GTF2IRD2B: variants seen among roughly 807,000 people sequenced by gnomAD.
The protein encoded by GTF2IRD2B is general transcription factor II-I repeat domain-containing protein 2B.
In GTF2IRD2B, 10 loss-of-function variants were observed where a neutral mutation model predicts 55.6. The ratio of observed to expected loss-of-function variants is 0.18; its 90% CI spans 0.11 to 0.31. The LOEUF (loss-of-function observed/expected upper bound fraction) is 0.31. GTF2IRD2B is among the 10% of genes least tolerant of loss of function. The probability of loss-of-function intolerance (pLI) is 1.00; values close to 1 mark genes in which losing one functional copy is unlikely to be tolerated. For missense variants in GTF2IRD2B, 206 were observed against 802.7 expected (o/e 0.26, Z 8.98); for synonymous variants, 107 against 320.5 (o/e 0.33, Z 7.12).
chr7:75,115,366 C>T (rs1358858411), intron 3 of GTF2IRD2B, among the ~76,000 whole-genome samples: 2 of 150,712 alleles, frequency 1.3e-5, no homozygotes, highest in Admixed American at 6.7e-5. Flanking sequence ...TCCAAATTTG[C>T]TCTTCTTCAA....
At chr7:75,127,607 C>A in intron 8 of GTF2IRD2B, among the ~76,000 whole-genome samples, 1 of 139,830 alleles carries the variant, frequency 7.2e-6, no homozygotes, top group African/African-American at 2.6e-5. Flanking sequence ...TGAATGAGAA[C>A]CTGAATTTGA....
At chr7:75,146,830 G>A (rs1554533142) in intron 15 of GTF2IRD2B, 1 of 146,550 alleles carries the variant, frequency 6.8e-6, no homozygotes, top group Admixed American at 7.0e-5. Flanking sequence ...GGCCTGGCAC[G>A]GTGGCTCCTG....
At chr7:75,102,166 C>A (rs1372660004) in intron 1 of GTF2IRD2B, among the ~76,000 whole-genome samples, 2 of 150,874 alleles carry the variant, frequency 1.3e-5, no homozygotes, top group Non-Finnish European at 3.0e-5. Flanking sequence ...CCATGCCCGG[C>A]TAATTTTTGT....
At chr7:75,110,140 C>A in intron 2 of GTF2IRD2B, among the ~76,000 whole-genome samples, 1 of 142,654 alleles carries the variant, frequency 7.0e-6, no homozygotes. Flanking sequence ...GACTCTGTCT[C>A]AAGAAAAAAA....
chr7:75,139,542 A>G (rs1237299712), intron 12 of GTF2IRD2B, among the ~76,000 whole-genome samples: 1 of 112,134 alleles, frequency 8.9e-6, no homozygotes, highest in African/African-American at 4.2e-5. Flanking sequence ...GCTGAGGCTG[A>G]AGAATGGCGT....
intron 3 of GTF2IRD2B, among the ~76,000 whole-genome samples, chr7:75,118,013 G>T (rs1808229165): frequency 6.6e-6 from 1 of 151,510 alleles, no homozygotes; most frequent in South Asian, 2.1e-4. Context: ...AACCCAGGAG[G>T]TGGAGGTTGC....
intron 1 of GTF2IRD2B, among the ~76,000 whole-genome samples, chr7:75,105,625 T>C (rs1166965784): frequency 2.1e-3 from 321 of 152,290 alleles, no homozygotes; most frequent in African/African-American, 7.4e-3. Context: ...ATTTGCATCC[T>C]ACTGGTTCAG....
intron 1 of GTF2IRD2B, among the ~76,000 whole-genome samples, chr7:75,105,608 G>A (rs1284068887): frequency 1.2e-4 from 19 of 152,404 alleles, no homozygotes; most frequent in Middle Eastern, 3.4e-3. Flanking sequence ...AATTTTTAAC[G>A]ATAACAATTT....
intron 1 of GTF2IRD2B, among the ~76,000 whole-genome samples, chr7:75,093,010 C>A (rs1180935592): frequency 6.6e-6 from 1 of 152,306 alleles, no homozygotes; most frequent in Non-Finnish European, 1.5e-5. Flanking sequence ...GTCGTACGCA[C>A]GGAGCGCACA....
In GTF2IRD2B at chr7:75,106,142, C is replaced by T. The variant is rs1241404531; in HGVS notation, c.-5-2818C>T. 2.0e-5 allele frequency among the ~76,000 whole-genome samples: 3 copies of T among 152,428 alleles called. No individual in the cohort carries two copies. In the East Asian group the frequency reaches 5.8e-4, roughly 29 times the overall value. On this transcript the variant is annotated intron_variant, in intron 1 of 15. Transcript: ENST00000472837. ...TTTTGGTCGGGCTCAGTGGCTCACGCCTGTAATCCCAGCACTTTGGGAGGC... is the reference window on the plus strand; with the variant it reads ...TTTTGGTCGGGCTCAGTGGCTCACGTCTGTAATCCCAGCACTTTGGGAGGC...
intron 1 of GTF2IRD2B, among the ~76,000 whole-genome samples, chr7:75,106,154 G>A (rs1443873410): frequency 6.6e-6 from 1 of 152,308 alleles, no homozygotes; most frequent in Non-Finnish European, 1.5e-5. Context: ...TGTAATCCCA[G>A]CACTTTGGGA....
chr7:75,105,925 G>A (rs1358493326), intron 1 of GTF2IRD2B, among the ~76,000 whole-genome samples: 24 of 152,422 alleles, frequency 1.6e-4, no homozygotes, highest in Middle Eastern at 3.4e-3. Flanking sequence ...GAAAGTTCCC[G>A]GTGACCACCG....
At chr7:75,146,877 C>T (rs367714818) in intron 15 of GTF2IRD2B, 11,660 of 144,406 alleles carry the variant, frequency 0.081, 508 homozygotes, top group Middle Eastern at 0.18. Context: ...GCGGGTGGAT[C>T]GCTTGAGCCT....
rs1228553144 is a variant in GTF2IRD2B at position 75,112,076 on chromosome 7, T to C, written c.100-321T>C. Among the ~76,000 whole-genome samples the C allele has an allele frequency of 1.5e-3, 39 of 25,660 alleles. 3 individuals carry two copies. The Middle Eastern group carries it at 0.062, about 41-fold the overall frequency. 16.8% of individuals were successfully genotyped at this position (25,660 alleles called of 152,430 possible). A position where few individuals can be genotyped will look rare whatever the true frequency, so the allele number is the denominator to read the frequency against. On this transcript the variant is annotated intron_variant, in intron 2 of 15. Transcript: ENST00000472837. ...GGCTAACACGGTGAAACCCCGTCTC[T>C]ACTAAAAATACACACACACACACAC...
chr7:75,102,248 G>A (rs1233329296), intron 1 of GTF2IRD2B, among the ~76,000 whole-genome samples: 6 of 151,312 alleles, frequency 4.0e-5, no homozygotes, highest in East Asian at 1.9e-4. Flanking sequence ...TGATCCGTCC[G>A]CCTCGGCCTC....
At chr7:75,115,434 T>TA (rs1158531169) in intron 3 of GTF2IRD2B, among the ~76,000 whole-genome samples, 3 of 143,322 alleles carry the variant, frequency 2.1e-5, no homozygotes, top group Non-Finnish European at 3.1e-5. Flanking sequence ...TTTTATTTTT[T>TA]TTTTTTTGAG....
intron 1 of GTF2IRD2B, among the ~76,000 whole-genome samples, chr7:75,106,963 A>AT (rs1281994407): frequency 4.0e-5 from 6 of 151,198 alleles, no homozygotes; most frequent in East Asian, 1.9e-4. Flanking sequence ...AAAAAAAAAA[A>AT]TCTTGGCAAA....
chr7:75,121,086 G>T (rs1276014556), intron 4 of GTF2IRD2B, 76 bp downstream of exon 4: 8 of 960,430 alleles, frequency 8.3e-6, no homozygotes, highest in African/African-American at 1.6e-5. Flanking sequence ...ACCCAGGCTA[G>T]AGTGCAGTGG....
At chr7:75,105,163 G>T (rs1307863980) in intron 1 of GTF2IRD2B, among the ~76,000 whole-genome samples, 1 of 152,296 alleles carries the variant, frequency 6.6e-6, no homozygotes, top group African/African-American at 2.4e-5. Context: ...ACTCCAACCT[G>T]GGTGACAGAG....
Sources: gnomAD v4.1 joint callset for allele counts (sites outside exome capture counted in the v4.1 genomes callset) on GRCh38, gnomAD v4.1.1 for gene constraint, MANE v1.5 for transcripts, NCBI Gene and HGNC (gene_info 2026-07-23, HGNC 2026-07-21) for gene names.